Variants in KAT6B observed in about 807,000 individuals in gnomAD.
KAT6B encodes the protein lysine acetyltransferase 6B.
A neutral mutation model predicts 187.5 loss-of-function variants in KAT6B; 10 were observed. That is an observed-to-expected ratio of 0.05 (90% confidence interval 0.03 to 0.09). The LOEUF (loss-of-function observed/expected upper bound fraction) is 0.09. Among genes scored for constraint, KAT6B ranks in the 10% least tolerant of loss-of-function variants. The pLI is 1.00. For synonymous variants in KAT6B, 861 were observed against 926.8 expected, an observed-to-expected ratio of 0.93 and a Z score of 1.29; for missense variants, 1,952 against 2,558.9, an observed-to-expected ratio of 0.76 and a Z score of 5.12.
chr10:74,833,361 A>G (rs1354216927), intron 1 of KAT6B, among the ~76,000 whole-genome samples: 2 of 152,174 alleles, frequency 1.3e-5, no homozygotes, highest in African/African-American at 2.4e-5. Context: ...CCTGGCTCCA[A>G]AGACCTGATG....
At chr10:74,967,175 A>G (rs894363762) in intron 4 of KAT6B, among the ~76,000 whole-genome samples, 26 of 152,088 alleles carry the variant, frequency 1.7e-4, no homozygotes, top group Non-Finnish European at 3.5e-4. Context: ...AAATACAAAA[A>G]CAAAATTAGC....
In KAT6B at chr10:74,905,023, G is replaced by T. The variant is rs150287072; in HGVS notation, c.622-54947G>T. On this transcript the variant is annotated intron_variant, in intron 3 of 17. Transcript: ENST00000287239. ...GGAGACAAAATGAGTTATTTGCACA[G>T]TTAAATTATTAGCTAGTGAAGAAGG... Among the ~76,000 whole-genome samples, 352 of 152,284 alleles carry T rather than the reference G, an allele frequency of 2.3e-3. 5 individuals are homozygous for T. The highest frequency in any genetic ancestry group is 3.3e-3 in the East Asian group (17 of 5,180).
chr10:74,903,959 T>C (rs1202215029), intron 3 of KAT6B, among the ~76,000 whole-genome samples: 14 of 152,194 alleles, frequency 9.2e-5, no homozygotes, highest in Admixed American at 9.2e-4. Context: ...TTCCAGGGAC[T>C]GAGATACTCC....
chr10:74,868,599 T>C (rs1843704452), intron 3 of KAT6B, among the ~76,000 whole-genome samples: 3 of 152,136 alleles, frequency 2.0e-5, no homozygotes, highest in Admixed American at 2.0e-4. Flanking sequence ...CATTTAACAG[T>C]GATTGATGAG....
intron 13 of KAT6B, among the ~76,000 whole-genome samples, chr10:75,006,857 AG>A (rs75262766): frequency 1 from 152,120 of 152,120 alleles, 76,060 homozygotes; most frequent in Non-Finnish European, 1. Flanking sequence ...GCCTGAGCTC[AG>A]GGAGTTCACG....
At chr10:74,899,810 AT>A (rs1846256726) in intron 3 of KAT6B, among the ~76,000 whole-genome samples, 1 of 152,170 alleles carries the variant, frequency 6.6e-6, no homozygotes, top group African/African-American at 2.4e-5. Context: ...CAAATGTTAA[AT>A]AGTTAAAATT....
chr10:74,977,421 A>T lies in KAT6B; in HGVS notation c.2099A>T (p.Gln700Leu). ...EEDLDVFKQA[Q>L]ELSWEKIECE... ...GATTTGGATGTTTTTAAGCAGGCCC[A>T]GGAACTTTCTTGGGAGGTAAGGCGA... Residue 700 changes from glutamine (Q) to leucine (L), a missense_variant, in exon 9 of 18, where the codon CAG becomes CTG. Physicochemically the swap from Gln to Leu is moderately radical, Grantham distance 113. Around this residue, in one of 9 missense-constraint regions of KAT6B, gnomAD observed 417 missense variants for 508.9 expected, o/e 0.82. Transcript: ENST00000287239. 1 of 1,613,904 alleles carries T rather than the reference A, an allele frequency of 6.2e-7. No individual in the cohort carries two copies. The highest frequency in any genetic ancestry group is 1.3e-5 in the African/African-American group (1 of 75,060).
intron 13 of KAT6B, among the ~76,000 whole-genome samples, chr10:74,989,821 T>C (rs1198086244): frequency 6.6e-6 from 1 of 152,060 alleles, no homozygotes; most frequent in Non-Finnish European, 1.5e-5. Flanking sequence ...GTGTTAGGGG[T>C]ACATTTGGAG....
At chr10:74,851,578 G>A (rs551737581) in intron 3 of KAT6B, among the ~76,000 whole-genome samples, 1 of 152,010 alleles carries the variant, frequency 6.6e-6, no homozygotes, top group South Asian at 2.1e-4. Context: ...TGATCCACCT[G>A]CCTCGGCCTC....
intron 3 of KAT6B, among the ~76,000 whole-genome samples, chr10:74,956,211 A>G (rs914909784): frequency 3.9e-5 from 6 of 152,158 alleles, no homozygotes; most frequent in African/African-American, 1.4e-4. Flanking sequence ...ATATCCCCCA[A>G]TTTGGATTTG....
At chr10:74,940,185 A>G (rs542636401) in intron 3 of KAT6B, among the ~76,000 whole-genome samples, 54 of 152,056 alleles carry the variant, frequency 3.6e-4, no homozygotes, top group Non-Finnish European at 6.6e-4. Flanking sequence ...TAAGAAAACC[A>G]TGTGTATGTA....
In KAT6B at chr10:75,031,005, A is replaced by C. The variant is rs1245434543; in HGVS notation, c.6181A>C (p.Met2061Leu). Residue 2061 changes from methionine to leucine, a missense_variant, in exon 18 of 18, where the codon ATG becomes CTG. This residue lies in a region of KAT6B where 358 missense variants were observed against 436.3 expected (regional missense o/e 0.82). Coordinates refer to ENST00000287239, the MANE Select transcript of KAT6B (RefSeq NM_012330.4). ...ACATCACGGCTACATGAACACAGGC[A>C]TGTCCAAACAGTCTCTCAATGGCTC... ...PGHHGYMNTG[M>L]SKQSLNGSYM... 1 of 1,614,226 alleles carries C rather than the reference A, an allele frequency of 6.2e-7. No individual in the cohort carries two copies. The highest frequency in any genetic ancestry group is 1.1e-5 in the South Asian group (1 of 91,090).
At chr10:74,907,607 A>G (rs954675282) in intron 3 of KAT6B, among the ~76,000 whole-genome samples, 4 of 151,480 alleles carry the variant, frequency 2.6e-5, no homozygotes, top group Non-Finnish European at 4.4e-5. Context: ...GCTCACTGCA[A>G]CCTCCTCTGC....
chr10:74,969,798 G>A (rs1233296076), intron 5 of KAT6B, 23 bp downstream of exon 5: 13 of 1,500,488 alleles, frequency 8.7e-6, no homozygotes, highest in Admixed American at 3.3e-5. Flanking sequence ...CCCGTAATCC[G>A]CCTCCAGGTA....
At chr10:74,945,770 G>A (rs1478971155) in intron 3 of KAT6B, among the ~76,000 whole-genome samples, 2 of 152,176 alleles carry the variant, frequency 1.3e-5, no homozygotes, top group African/African-American at 4.8e-5. Flanking sequence ...ACTTTAAAAG[G>A]TTGCGTGTTT....
At position 75,031,762 on chromosome 10, in the gene KAT6B, A is replaced by G. The variant is rs984911958; in HGVS notation, c.*716A>G. 1 of 209,898 alleles carries G rather than the reference A, an allele frequency of 4.8e-6. No homozygotes were observed. Among genetic ancestry groups the G allele is most frequent in the Non-Finnish European group, 9.7e-6 (1 of 103,194 alleles). 13.0% of individuals were successfully genotyped at this position (209,898 alleles called of 1,614,324 possible). ...TTTGGTGACAGATTTCTTTGGGGAA[A>G]AAAGGCAGCTTTCTGTTTTATAAAT... On this transcript the variant is annotated 3_prime_UTR_variant, in exon 18 of 18. Coordinates refer to ENST00000287239, the MANE Select transcript of KAT6B (RefSeq NM_012330.4).
chr10:74,830,766 A>G (rs1178462386), intron 1 of KAT6B, among the ~76,000 whole-genome samples: 1 of 25,178 alleles, frequency 4.0e-5, no homozygotes, highest in African/African-American at 3.1e-4. Context: ...ATATATATAT[A>G]TATTTTTTTT....
Position 75,029,002 on chromosome 10 carries a change from C to A in KAT6B, c.4178C>A (p.Pro1393Gln), listed in dbSNP as rs1335920409. 1 of 1,613,890 alleles carries A rather than the reference C, an allele frequency of 6.2e-7. No homozygotes were observed. Among genetic ancestry groups the A allele is most frequent in the Non-Finnish European group, 8.5e-7 (1 of 1,179,994 alleles). ...DGAKSQEKEE[P>Q]EISTEKEDSA... ...GCTAAAAGCCAAGAAAAAGAGGAACCAGAAATCTCCACGGAAAAAGAAGAC... is the reference window on the plus strand; with the variant it reads ...GCTAAAAGCCAAGAAAAAGAGGAACAAGAAATCTCCACGGAAAAAGAAGAC... Residue 1393 changes from proline to glutamine, a missense_variant, in exon 18 of 18, where the codon CCA becomes CAA. By Grantham distance (76) the Pro-to-Gln change is moderately conservative (BLOSUM62 -1). This residue lies in a region of KAT6B where 758 missense variants were observed against 891.4 expected (regional missense o/e 0.85). Transcript: ENST00000287239. This position sits in a 1 kb window ranked among gnomAD's most constrained non-coding sequence, Gnocchi z 6.2.
At chr10:74,898,980 C>A (rs535549722) in intron 3 of KAT6B, among the ~76,000 whole-genome samples, 1 of 132,784 alleles carries the variant, frequency 7.5e-6, no homozygotes, top group African/African-American at 3.4e-5. Context: ...GTGAAACCCC[C>A]GTCTGTACTA....
Sources: gnomAD v4.1 joint callset for allele counts (sites outside exome capture counted in the v4.1 genomes callset) on GRCh38, gnomAD v4.1.1 for gene constraint, gnomAD v4.1.1 regional missense constraint, Gnocchi (gnomAD v3.1) non-coding constraint, MANE v1.5 for transcripts, NCBI Gene and HGNC (gene_info 2026-07-23, HGNC 2026-07-21) for gene names.